The following ZNF790 variants were observed in gnomAD, a reference collection of about 807,000 sequenced individuals.
The protein encoded by ZNF790 is zinc finger protein 790.
Under a neutral mutation model 12.1 loss-of-function variants are expected in ZNF790, and 8 were observed. The ratio of observed to expected loss-of-function variants is 0.66; its 90% CI spans 0.39 to 1.19. The LOEUF (loss-of-function observed/expected upper bound fraction) is 1.19, where lower values mean the gene tolerates loss of function less well. Ranked by LOEUF, ZNF790 falls within the 50% of genes most tolerant of loss-of-function variation. ZNF790 has a pLI of 0.01. For synonymous variants in ZNF790, 252 were observed against 244.3 expected (o/e 1.03, Z -0.29); for missense variants, 707 against 752.2 (o/e 0.94, Z 0.70).
At position 36,817,642 on chromosome 19, in the gene ZNF790, A is replaced by G. The variant is rs1274656933; in HGVS notation, c.*791T>C. ...ATCTAATGAATACGATTAAACAGAC[A>G]TAGATTTAAGATACTTTCCAAAAAA... On this transcript the variant is annotated 3_prime_UTR_variant, in exon 5 of 5. Coordinates refer to ENST00000356725, the MANE Select transcript of ZNF790 (RefSeq NM_206894.4). 1 of 149,190 alleles carries G rather than the reference A, an allele frequency of 6.7e-6. No individual in the cohort carries two copies. The highest frequency in any genetic ancestry group is 1.5e-5 in the Non-Finnish European group (1 of 67,100). 9.2% of individuals were successfully genotyped at this position (149,190 alleles called of 1,614,324 possible). A position where few individuals can be genotyped will look rare whatever the true frequency, so the allele number is the denominator to read the frequency against.
chr19:36,819,031 GC>G lies in ZNF790; in HGVS notation c.1312del (p.Ala438LeufsTer215). 2 of 1,614,036 alleles carry G rather than the reference GC, an allele frequency of 1.2e-6. No individual in the cohort carries two copies. The highest frequency in any genetic ancestry group is 1.7e-6 in the Non-Finnish European group (2 of 1,179,990). On this transcript the variant is annotated frameshift_variant, in exon 5 of 5. Transcript: ENST00000356725. LOFTEE classifies it low-confidence loss of function (END_TRUNC). ...GKTFTWASYLAQHEKIHNERK... is the reference protein window; with the variant it reads ...GKTFTWASYLXQHEKIHNERK... ...CTCATTGTGAATTTTCTCATGTTGA[GC>G]AAGATACGAAGCCCAAGTAAAAGTC...
At chr19:36,830,006 C>G (rs1275699691) in intron 1 of ZNF790, among the ~76,000 whole-genome samples, 1 of 152,140 alleles carries the variant, frequency 6.6e-6, no homozygotes, top group African/African-American at 2.4e-5. Flanking sequence ...ATGCTCTTAG[C>G]TGTGTTCCGT....
rs114392267 is a variant in ZNF790, at chr19:36,833,920, A to G, written c.-74+4417T>C. ...AGAAAAATGATAATGATCAGACTAC[A>G]TTTTAAAAAGCAATTTTTGTTCATC... is the stretch of plus-strand genomic sequence containing the variant. On this transcript the variant is annotated intron_variant, in intron 1 of 4. Transcript: ENST00000356725. Among the ~76,000 whole-genome samples the G allele has an allele frequency of 5.6e-3, 849 of 152,302 alleles. 11 individuals carry two copies. Among genetic ancestry groups the G allele is most frequent in the African/African-American group, 0.02 (817 of 41,574 alleles).
intron 1 of ZNF790, among the ~76,000 whole-genome samples, chr19:36,834,274 G>A (rs1414136510): frequency 4.2e-5 from 6 of 144,524 alleles, no homozygotes; most frequent in Admixed American, 4.1e-4. Flanking sequence ...AAAAGACAGT[G>A]AGTAAAAATG....
chr19:36,839,789 G>A (rs1037231649), upstream of ZNF790, among the ~76,000 whole-genome samples: 2 of 152,192 alleles, frequency 1.3e-5, no homozygotes, highest in East Asian at 1.9e-4. Context: ...TCAGCTGGAC[G>A]CGGTGGCTCA....
chr19:36,836,977 T>C (rs2072059576), intron 1 of ZNF790, among the ~76,000 whole-genome samples: 1 of 152,190 alleles, frequency 6.6e-6, no homozygotes, highest in African/African-American at 2.4e-5. Flanking sequence ...TCCGGGTCTC[T>C]GAGTCCATTC....
chr19:36,834,214 G>T (rs1392020770), intron 1 of ZNF790, among the ~76,000 whole-genome samples: 1 of 133,862 alleles, frequency 7.5e-6, no homozygotes, highest in Non-Finnish European at 1.5e-5. Flanking sequence ...TTGCATTCCA[G>T]CCTGGGCAAC....
chr19:36,832,945 C>A (rs374702109), intron 1 of ZNF790, among the ~76,000 whole-genome samples: 2 of 144,116 alleles, frequency 1.4e-5, no homozygotes, highest in Non-Finnish European at 1.5e-5. Flanking sequence ...GAGTTTGAGG[C>A]CAGATTAAGC....
chr19:36,820,556 G>GGTAT (rs1158737541), intron 4 of ZNF790, among the ~76,000 whole-genome samples: 3 of 152,150 alleles, frequency 2.0e-5, no homozygotes, highest in Non-Finnish European at 4.4e-5. Context: ...TCAATAGCAG[G>GGTAT]GTATGCTGCA....
At chr19:36,847,716 C>T (rs1699591553) in intron 1 of ZNF790, among the ~76,000 whole-genome samples, 1 of 149,132 alleles carries the variant, frequency 6.7e-6, no homozygotes, top group Admixed American at 6.7e-5. Context: ...CGTCATTACA[C>T]TCCAGCCTGG....
intron 3 of ZNF790, 69 bp from the exon 4 acceptor site, chr19:36,823,449 G>T (rs2071721375): frequency 6.9e-7 from 1 of 1,457,650 alleles, no homozygotes. Flanking sequence ...CTACTTCTTT[G>T]GTTACTAAGG....
chr19:36,820,705 A>G (rs1030680390), intron 4 of ZNF790, among the ~76,000 whole-genome samples: 1 of 152,060 alleles, frequency 6.6e-6, no homozygotes, highest in African/African-American at 2.4e-5. Flanking sequence ...GAAGTTTGAG[A>G]CCAGCCTAGG....
chr19:36,834,243 CAAAAAAAAAAAAA>C (rs751627349), intron 1 of ZNF790, among the ~76,000 whole-genome samples: 1 of 34,886 alleles, frequency 2.9e-5, no homozygotes, highest in Non-Finnish European at 6.6e-5. Flanking sequence ...AACTCCATCT[CAAAAAAAAAAAAA>C]AAAAAAAAAA....
At chr19:36,826,526 T>C (rs1347787555) in intron 1 of ZNF790, among the ~76,000 whole-genome samples, 1 of 149,844 alleles carries the variant, frequency 6.7e-6, no homozygotes, top group Non-Finnish European at 1.5e-5. Flanking sequence ...GAGGTTGCAG[T>C]GAGCCGAGAT....
intron 4 of ZNF790, among the ~76,000 whole-genome samples, 183 bp from the exon 5 acceptor site, chr19:36,820,297 G>GT (rs1290386225): frequency 6.6e-6 from 1 of 152,120 alleles, no homozygotes; most frequent in Admixed American, 6.5e-5. Flanking sequence ...AGAAATAAAA[G>GT]TTGAGTCAAG....
At chr19:36,821,675 C>G (rs544771884) in intron 4 of ZNF790, among the ~76,000 whole-genome samples, 1 of 152,188 alleles carries the variant, frequency 6.6e-6, no homozygotes, top group East Asian at 1.9e-4. Context: ...CCTCCGCCTC[C>G]TGGGTTCAAG....
intron 4 of ZNF790, among the ~76,000 whole-genome samples, chr19:36,822,490 A>G (rs1600648561): frequency 6.6e-6 from 1 of 152,014 alleles, no homozygotes. Context: ...TTTTGTCTCT[A>G]TCTAGGCCTC....
chr19:36,818,683 T>C lies in ZNF790; in HGVS notation c.1661A>G (p.Lys554Arg). ...IWGSQLTRHK[K>R]IHTDAEPYGC... ...ATAAGGTTCTGCATCAGTATGAATT[T>C]TCTTATGTCGTGTAAGCTGTGAACC... The change falls in exon 5 of 5, where the codon AAA (lysine) becomes AGA (arginine). Residue 554 changes from lysine to arginine, a missense_variant. Transcript: ENST00000356725. 6.2e-7 allele frequency: 1 copy of C among 1,613,662 alleles called. No individual in the cohort carries two copies. The highest frequency in any genetic ancestry group is 8.5e-7 in the Non-Finnish European group (1 of 1,179,854).
Position 36,835,276 on chromosome 19 carries a change from G to A in ZNF790, c.-74+3061C>T, listed in dbSNP as rs568797917. Among the ~76,000 whole-genome samples, 258 of 151,578 alleles carry A rather than the reference G, an allele frequency of 1.7e-3. 3 individuals are homozygous for A. Among genetic ancestry groups the A allele is most frequent in the African/African-American group, 5.8e-3 (237 of 41,066 alleles). On this transcript the variant is annotated intron_variant, in intron 1 of 4. Transcript: ENST00000356725. ...AGCCTGGGCGACAGAGGGAGACCCCGTCTCAAAAAAAATAAAATAAAATAA... is the reference window on the plus strand; with the variant it reads ...AGCCTGGGCGACAGAGGGAGACCCCATCTCAAAAAAAATAAAATAAAATAA...
Sources: gnomAD v4.1 joint callset for allele counts (sites outside exome capture counted in the v4.1 genomes callset) on GRCh38, gnomAD v4.1.1 for gene constraint, MANE v1.5 for transcripts, NCBI Gene and HGNC (gene_info 2026-07-23, HGNC 2026-07-21) for gene names.